Variants in MTHFD2L observed in about 807,000 individuals in gnomAD.
MTHFD2L encodes the protein bifunctional methylenetetrahydrofolate dehydrogenase/cyclohydrolase 2, mitochondrial.
In MTHFD2L, 29 loss-of-function variants were observed where a neutral mutation model predicts 34.9. That is an observed-to-expected ratio of 0.83 (90% CI 0.62 to 1.13). MTHFD2L has a LOEUF of 1.13. Among genes scored for constraint, MTHFD2L ranks in the 50% most tolerant of loss-of-function variants. The pLI is 0.00. For missense variants in MTHFD2L, 481 were observed against 446.5 expected (o/e 1.08, Z -0.70); for synonymous variants, 167 against 155.7 (o/e 1.07, Z -0.54).
intron 5 of MTHFD2L, among the ~76,000 whole-genome samples, chr4:74,212,444 G>A (rs181819886): frequency 5.9e-4 from 89 of 152,058 alleles, no homozygotes; most frequent in Non-Finnish European, 1.0e-3. Context: ...CCTTTATTTC[G>A]TTATTTACCC....
intron 1 of MTHFD2L, chr4:74,160,443 T>C (rs954949599): frequency 6.3e-6 from 1 of 158,094 alleles, no homozygotes; most frequent in African/African-American, 2.4e-5. Context: ...TTAAGTAGAA[T>C]TTCAATAATT....
upstream of MTHFD2L, among the ~76,000 whole-genome samples, chr4:74,122,908 A>G (rs1005982836): frequency 5.9e-5 from 9 of 152,196 alleles, no homozygotes; most frequent in Admixed American, 2.0e-4. Context: ...TCTTGTTCTT[A>G]GGAAATACTG....
At chr4:74,148,304 G>A (rs544251604) in intron 1 of MTHFD2L, among the ~76,000 whole-genome samples, 1 of 85,148 alleles carries the variant, frequency 1.2e-5, no homozygotes, top group Non-Finnish European at 2.3e-5. Flanking sequence ...GATGGTTTTG[G>A]CTATTTGTGG....
intron 1 of MTHFD2L, among the ~76,000 whole-genome samples, chr4:74,172,296 A>G (rs1728168922): frequency 6.6e-6 from 1 of 152,194 alleles, no homozygotes; most frequent in Non-Finnish European, 1.5e-5. Context: ...TACATATATT[A>G]AAACTTAAAC....
rs372569980 is a variant in MTHFD2L at position 74,233,343 on chromosome 4, A to T, written c.805+7949A>T. ...TCAAAAGAAACGTGGTCTTTAAAGT[A>T]AAGAGGGTTTGGTTTTAAATTCAAT... is the stretch of plus-strand genomic sequence containing the variant. On this transcript the variant is annotated intron_variant, in intron 6 of 7. Transcript: ENST00000325278. Among the ~76,000 whole-genome samples the T allele has an allele frequency of 7.9e-5, 12 of 152,304 alleles. No homozygotes were observed. In the South Asian group the frequency reaches 2.5e-3, roughly 32 times the overall value.
chr4:74,197,661 G>T (rs1430288243), intron 3 of MTHFD2L, among the ~76,000 whole-genome samples: 1 of 152,096 alleles, frequency 6.6e-6, no homozygotes, highest in Admixed American at 6.5e-5. Context: ...TTAAATTCTG[G>T]ATTCTTAGTA....
chr4:74,136,362 G>A (rs1722930223), intron 1 of MTHFD2L, among the ~76,000 whole-genome samples: 1 of 151,790 alleles, frequency 6.6e-6, no homozygotes, highest in Non-Finnish European at 1.5e-5. Flanking sequence ...AGTCAAGAAG[G>A]CAATCTCATT....
At chr4:74,296,717 C>T (rs1245062530) in intron 7 of MTHFD2L, among the ~76,000 whole-genome samples, 3 of 151,978 alleles carry the variant, frequency 2.0e-5, no homozygotes, top group Admixed American at 6.6e-5. Flanking sequence ...CTCAGTGGTG[C>T]GTATTGACAA....
chr4:74,182,662 G>C (rs1169540715), intron 3 of MTHFD2L: 1 of 152,106 alleles, frequency 6.6e-6, no homozygotes, highest in African/African-American at 2.4e-5. Context: ...CTGTGACAGA[G>C]ACAATTTAAG....
intron 5 of MTHFD2L, among the ~76,000 whole-genome samples, chr4:74,211,760 T>C (rs1250588784): frequency 6.6e-6 from 1 of 152,170 alleles, no homozygotes; most frequent in African/African-American, 2.4e-5. Flanking sequence ...GAAGGAATGA[T>C]ACCAGCTGCT....
chr4:74,283,343 G>T (rs1275381836), intron 7 of MTHFD2L, among the ~76,000 whole-genome samples: 2 of 152,024 alleles, frequency 1.3e-5, no homozygotes, highest in Admixed American at 6.6e-5. Flanking sequence ...AGCATTTTTG[G>T]TGGGTGTATA....
At chr4:74,225,890 G>T (rs1290804163) in intron 6 of MTHFD2L, among the ~76,000 whole-genome samples, 1 of 152,088 alleles carries the variant, frequency 6.6e-6, no homozygotes, top group Non-Finnish European at 1.5e-5. Context: ...GTCCAAAGGA[G>T]AGTATCTAGG....
Position 74,301,784 on chromosome 4 carries a change from T to C in MTHFD2L, c.1019T>C (p.Leu340Pro), listed in dbSNP as rs1262319543. The C allele has an allele frequency of 6.2e-7, 1 of 1,606,182 alleles. No homozygotes were observed. Among genetic ancestry groups the C allele is most frequent in the African/African-American group, 1.3e-5 (1 of 74,518 alleles). ...GCAATGCTTCTGAAGAACACCCTTC[T>C]GGCAGCTAAAAAAATCATTTACTAG... The part of the protein sequence containing the change: ...TVAMLLKNTL[L>P]AAKKIIY The change falls in exon 8 of 8, where the codon CTG (leucine) becomes CCG (proline). Residue 340 changes from leucine to proline, a missense_variant. Transcript: ENST00000325278.
intron 1 of MTHFD2L, among the ~76,000 whole-genome samples, chr4:74,144,706 G>A (rs927649907): frequency 2.6e-5 from 4 of 151,900 alleles, no homozygotes; most frequent in Non-Finnish European, 5.9e-5. Context: ...CATGATATTT[G>A]GTGTCTTGGA....
At chr4:74,231,097 A>G (rs1373769663) in intron 6 of MTHFD2L, among the ~76,000 whole-genome samples, 1 of 152,166 alleles carries the variant, frequency 6.6e-6, no homozygotes, top group Admixed American at 6.5e-5. Context: ...TAGAGTGTCT[A>G]TTGCAACACT....
intron 5 of MTHFD2L, among the ~76,000 whole-genome samples, chr4:74,221,236 G>A (rs1738128088): frequency 6.6e-6 from 1 of 150,912 alleles, no homozygotes; most frequent in Non-Finnish European, 1.5e-5. Context: ...TTGTAACCAA[G>A]TTTATACCAT....
chr4:74,119,141 GT>G (rs1046303347), upstream of MTHFD2L, among the ~76,000 whole-genome samples: 3 of 152,152 alleles, frequency 2.0e-5, no homozygotes, highest in Non-Finnish European at 4.4e-5. Flanking sequence ...TGGCAAGTGC[GT>G]TGATGTACTT....
chr4:74,271,667 C>A (rs1223210267), intron 6 of MTHFD2L, among the ~76,000 whole-genome samples: 1 of 152,030 alleles, frequency 6.6e-6, no homozygotes, highest in Non-Finnish European at 1.5e-5. Flanking sequence ...TTTTTTGGTT[C>A]CATATGAACT....
At chr4:74,221,897 A>G (rs1738262446) in intron 5 of MTHFD2L, among the ~76,000 whole-genome samples, 1 of 151,806 alleles carries the variant, frequency 6.6e-6, no homozygotes, top group Admixed American at 6.6e-5. Context: ...TTAATTCTCT[A>G]TTTATTTATA....
Sources: allele counts gnomAD v4.1 joint callset (sites outside exome capture counted in the v4.1 genomes callset), GRCh38; gene constraint gnomAD v4.1.1; transcripts MANE v1.5; gene names NCBI Gene and HGNC (gene_info 2026-07-23, HGNC 2026-07-21).